Variants in PDE6C observed in about 807,000 individuals in gnomAD.
PDE6C encodes phosphodiesterase 6C.
A neutral mutation model predicts 113.1 loss-of-function variants in PDE6C; 75 were observed. That is an observed-to-expected ratio of 0.66 (90% CI 0.55 to 0.80). The LOEUF (loss-of-function observed/expected upper bound fraction) is 0.80, where lower values mean the gene tolerates loss of function less well. Ranked by LOEUF, PDE6C falls within the 30% of genes least tolerant of loss-of-function variation. PDE6C has a pLI of 0.00. For missense variants in PDE6C, 912 were observed against 1,038.6 expected (o/e 0.88, Z 1.67); for synonymous variants, 375 against 363.7 (o/e 1.03, Z -0.35).
chr10:93,629,283 C>T lies in PDE6C; in HGVS notation c.1097C>T (p.Ala366Val), dbSNP rs763089517. 13 of 1,611,528 alleles carry T rather than the reference C, an allele frequency of 8.1e-6. No homozygotes were observed. The highest frequency in any genetic ancestry group is 2.2e-5 in the East Asian group (1 of 44,870). The change falls in exon 8 of 22, where the codon GCG (alanine) becomes GTG (valine). Residue 366 changes from alanine to valine, a missense_variant. Transcript: ENST00000371447. The part of the protein sequence containing the change: ...GFICNMMNAP[A>V]DEYFTFQKGP... Reference sequence around the variant, plus strand: ...ATCTGTAACATGATGAATGCCCCTGCGGATGAATACTTCACATTTCAGGTA... The same window carrying T: ...ATCTGTAACATGATGAATGCCCCTGTGGATGAATACTTCACATTTCAGGTA...
intron 12 of PDE6C, 54 bp from the exon 13 acceptor site, chr10:93,640,396 C>G: frequency 7.0e-7 from 1 of 1,418,532 alleles, no homozygotes. Flanking sequence ...TGCCACAGAC[C>G]TTCTAACCTT....
chr10:93,643,014 C>T (rs1304687702), intron 14 of PDE6C, among the ~76,000 whole-genome samples: 1 of 152,158 alleles, frequency 6.6e-6, no homozygotes, highest in Non-Finnish European at 1.5e-5. Context: ...AGTATACTAG[C>T]CAATTCAGTT....
intron 15 of PDE6C, among the ~76,000 whole-genome samples, chr10:93,655,518 A>G (rs1417120460): frequency 6.6e-6 from 1 of 150,502 alleles, no homozygotes; most frequent in Non-Finnish European, 1.5e-5. Flanking sequence ...ATTGGCTAAC[A>G]GTATCTATTT....
At chr10:93,632,894 C>T (rs2058508481) in intron 8 of PDE6C, among the ~76,000 whole-genome samples, 1 of 152,054 alleles carries the variant, frequency 6.6e-6, no homozygotes, top group African/African-American at 2.4e-5. Flanking sequence ...CATGCTCAGT[C>T]TAAATGTTAA....
Position 93,613,718 on chromosome 10 carries a change from A to C in PDE6C, c.480+513A>C, listed in dbSNP as rs143530168. ...ATCAATTCTTTCATCTATCGACCAA[A>C]TGTGCAAAGAGAAAAAATGATGCCA... On this transcript the variant is annotated intron_variant, in intron 1 of 21. Coordinates refer to ENST00000371447, the MANE Select transcript of PDE6C (RefSeq NM_006204.4). Among the ~76,000 whole-genome samples the C allele has an allele frequency of 5.8e-3, 876 of 152,320 alleles. 3 individuals are homozygous for C. Among genetic ancestry groups the C allele is most frequent in the Middle Eastern group, 6.8e-3 (2 of 292 alleles).
chr10:93,659,037 T>TG, intron 17 of PDE6C, 29 bp downstream of exon 17: 1 of 1,540,974 alleles, frequency 6.5e-7, no homozygotes, highest in East Asian at 2.3e-5. Context: ...ATTTCTCTCT[T>TG]GTTTTTTGTA....
intron 19 of PDE6C, 45 bp downstream of exon 19, chr10:93,662,178 G>A (rs778896202): frequency 9.4e-6 from 12 of 1,275,402 alleles, no homozygotes; most frequent in Non-Finnish European, 1.4e-5. Context: ...AAAGTTATCA[G>A]GACAGGCCGG....
At chr10:93,655,117 T>A (rs2058630343) in intron 15 of PDE6C, among the ~76,000 whole-genome samples, 1 of 152,132 alleles carries the variant, frequency 6.6e-6, no homozygotes, top group African/African-American at 2.4e-5. Flanking sequence ...GCCTATATTC[T>A]CATTTTCTAG....
intron 9 of PDE6C, among the ~76,000 whole-genome samples, chr10:93,635,203 C>T (rs1296099807): frequency 6.6e-6 from 1 of 152,138 alleles, no homozygotes; most frequent in Non-Finnish European, 1.5e-5. Context: ...CCCTCTCATT[C>T]TTATTCTTAT....
intron 18 of PDE6C, 53 bp downstream of exon 18, chr10:93,659,220 C>T: frequency 8.2e-7 from 1 of 1,225,556 alleles, no homozygotes; most frequent in Non-Finnish European, 1.2e-6. Context: ...CTGCCTAGGT[C>T]CCATGTAAAT....
chr10:93,647,668 C>T (rs79400928), intron 15 of PDE6C, among the ~76,000 whole-genome samples: 5,612 of 152,242 alleles, frequency 0.037, 133 homozygotes, highest in Middle Eastern at 0.088. Context: ...AGGGCGGGGG[C>T]AGACAGGCTG....
chr10:93,654,810 C>CTTTCTTTTTT lies in PDE6C; in HGVS notation c.1936-947_1936-946insCTTTTTTTTT, dbSNP rs1554891606. Among the ~76,000 whole-genome samples the CTTTCTTTTTT allele has an allele frequency of 2.1e-3, 158 of 77,046 alleles. 2 individuals carry two copies. The highest frequency in any genetic ancestry group is 0.015 in the Admixed American group (103 of 6,760). The allele number at this position is 77,046 out of a possible 152,430, so 50.5% of individuals were successfully genotyped here. Reference sequence around the variant, plus strand: ...TCTTTCTTTCTTTCTTTCTTTCTTTCTTTTTTTTTTTTTTTGAAACAGGGT... The same window carrying CTTTCTTTTTT: ...TCTTTCTTTCTTTCTTTCTTTCTTTCTTTCTTTTTTTTTTTTTTTTTTTTTGAAACAGGGT... On this transcript the variant is annotated intron_variant, in intron 15 of 21. Coordinates refer to ENST00000371447, the MANE Select transcript of PDE6C (RefSeq NM_006204.4).
At chr10:93,618,105 G>A (rs1053432571) in intron 1 of PDE6C, among the ~76,000 whole-genome samples, 9 of 152,060 alleles carry the variant, frequency 5.9e-5, no homozygotes, top group Admixed American at 1.3e-4. Context: ...GGTGCTCCGC[G>A]GTATGGGAGG....
chr10:93,661,827 G>A (rs937604115), intron 18 of PDE6C, among the ~76,000 whole-genome samples: 1 of 152,130 alleles, frequency 6.6e-6, no homozygotes, highest in Admixed American at 6.5e-5. Context: ...TCGTAAATGG[G>A]AGATAGATAC....
chr10:93,661,721 TAGAC>T (rs1180338122), intron 18 of PDE6C, among the ~76,000 whole-genome samples: 16 of 151,816 alleles, frequency 1.1e-4, no homozygotes, highest in Admixed American at 3.3e-4. Context: ...TGCTAACAGA[TAGAC>T]AGGACAAAGA....
At chr10:93,622,288 GT>G (rs57224307) in intron 4 of PDE6C, among the ~76,000 whole-genome samples, 12 of 149,118 alleles carry the variant, frequency 8.0e-5, no homozygotes, top group African/African-American at 9.8e-5. Context: ...CAGCAAGTCT[GT>G]TTTTTTTTTA....
At chr10:93,623,366 T>C (rs2058457778) in intron 4 of PDE6C, among the ~76,000 whole-genome samples, 3 of 152,232 alleles carry the variant, frequency 2.0e-5, no homozygotes, top group Admixed American at 1.3e-4. Flanking sequence ...CCAAGTCCTT[T>C]ACCAAATATG....
intron 15 of PDE6C, among the ~76,000 whole-genome samples, chr10:93,651,629 C>T (rs1351521683): frequency 4.6e-5 from 7 of 152,178 alleles, no homozygotes; most frequent in African/African-American, 1.7e-4. Flanking sequence ...GGTGGGGACA[C>T]AGAGCCATAT....
At chr10:93,656,406 C>T (rs939216786) in intron 16 of PDE6C, among the ~76,000 whole-genome samples, 6 of 152,134 alleles carry the variant, frequency 3.9e-5, no homozygotes, top group African/African-American at 1.4e-4. Flanking sequence ...AGACCAGATA[C>T]TCCCAGTATC....
Sources: allele counts gnomAD v4.1 joint callset (sites outside exome capture counted in the v4.1 genomes callset), GRCh38; gene constraint gnomAD v4.1.1; transcripts MANE v1.5; gene names NCBI Gene and HGNC (gene_info 2026-07-23, HGNC 2026-07-21).